B3GNT5: variants seen among roughly 807,000 people sequenced by gnomAD.
B3GNT5 encodes the protein UDP-GlcNAc:betaGal beta-1,3-N-acetylglucosaminyltransferase 5.
Under a neutral mutation model 25.9 loss-of-function variants are expected in B3GNT5, and 11 were observed. That is an observed-to-expected ratio of 0.42 (90% CI 0.27 to 0.70). The LOEUF (loss-of-function observed/expected upper bound fraction) is 0.70, where lower values mean the gene tolerates loss of function less well. B3GNT5 is among the 30% of genes least tolerant of loss of function. The pLI, the probability that B3GNT5 is intolerant of heterozygous loss-of-function variation, is 0.23. For missense variants in B3GNT5, 385 were observed against 458.4 expected (o/e 0.84, Z 1.46); for synonymous variants, 166 against 158.6 (o/e 1.05, Z -0.35).
chr3:183,259,335 T>A (rs1406333995), intron 1 of B3GNT5, among the ~76,000 whole-genome samples: 1 of 152,162 alleles, frequency 6.6e-6, no homozygotes, highest in African/African-American at 2.4e-5. Flanking sequence ...GAGTAGTGGC[T>A]GTTTGTAGCA....
At chr3:183,253,859 C>G (rs538415370) in intron 1 of B3GNT5, 3 of 152,362 alleles carry the variant, frequency 2.0e-5, no homozygotes, top group South Asian at 4.1e-4. Context: ...ACGGCTGTGC[C>G]GCGGCCGCAT....
Position 183,270,279 on chromosome 3 carries a change from T to G in B3GNT5, c.481T>G (p.Phe161Val). The change falls in exon 2 of 2, where the codon TTT becomes GTT. Residue 161 changes from phenylalanine to valine, a missense_variant. By Grantham distance (50) the Phe-to-Val change is conservative (BLOSUM62 -1). Coordinates refer to ENST00000326505, the MANE Select transcript of B3GNT5 (RefSeq NM_032047.5). This position sits in a 1 kb window ranked among gnomAD's most constrained non-coding sequence, Gnocchi z 4.5. ...GTACAATGATATAATTCAGCAAGAC[T>G]TTGTTGATTCTTTCTACAATCTTAC... ...QRYNDIIQQD[F>V]VDSFYNLTLK... is the part of the protein sequence containing the mutation. 6.2e-7 allele frequency: 1 copy of G among 1,614,176 alleles called. No individual in the cohort carries two copies. Among genetic ancestry groups the G allele is most frequent in the Non-Finnish European group, 8.5e-7 (1 of 1,180,010 alleles).
At chr3:183,258,614 T>C (rs377166127) in intron 1 of B3GNT5, among the ~76,000 whole-genome samples, 2 of 152,222 alleles carry the variant, frequency 1.3e-5, no homozygotes, top group Non-Finnish European at 2.9e-5. Flanking sequence ...TCCCTCAGTA[T>C]CCTTGGGGAA....
In B3GNT5 at chr3:183,273,242, G is replaced by T; in HGVS notation, c.*2307G>T. 2.7e-6 allele frequency: 1 copy of T among 375,704 alleles called. No homozygotes were observed. Among genetic ancestry groups the T allele is most frequent in the East Asian group, 4.0e-5 (1 of 25,020 alleles). The allele number at this position is 375,704 out of a possible 1,614,324, so 23.3% of individuals were successfully genotyped here. A position where few individuals can be genotyped will look rare whatever the true frequency, so the allele number is the denominator to read the frequency against. On this transcript the variant is annotated 3_prime_UTR_variant, in exon 2 of 2. Transcript: ENST00000326505. ...TATTGTTAAAATTTTTTTACCTTTT[G>T]GTTGGTTTGCATCTTTTTTCCATAT...
Position 183,272,984 on chromosome 3 carries a change from G to A in B3GNT5, c.*2049G>A, listed in dbSNP as rs1213407966. On this transcript the variant is annotated 3_prime_UTR_variant, in exon 2 of 2. Transcript: ENST00000326505. ...ACAAGTTTAAATTTCAAGGAAATAT[G>A]AAGGCACTTCCTTTTTTTCTAAGAA... 5 of 1,473,454 alleles carry A rather than the reference G, an allele frequency of 3.4e-6. No individual in the cohort carries two copies. In the African/African-American group the frequency reaches 7.3e-5, roughly 22 times the overall value. The allele number at this position is 1,473,454 out of a possible 1,614,324, so 91.3% of individuals were successfully genotyped here.
chr3:183,269,277 A>T (rs1726493358), intron 1 of B3GNT5, among the ~76,000 whole-genome samples: 2 of 127,816 alleles, frequency 1.6e-5, no homozygotes, highest in Non-Finnish European at 1.6e-5. Flanking sequence ...AGGTCTCTGT[A>T]CTCTGAATGG....
At chr3:183,269,062 G>A (rs1315109995) in intron 1 of B3GNT5, among the ~76,000 whole-genome samples, 2 of 151,788 alleles carry the variant, frequency 1.3e-5, no homozygotes, top group African/African-American at 4.8e-5. Context: ...CCTTGTCTGG[G>A]GCAAGCCTTA....
At chr3:183,268,150 T>C (rs1426984207) in intron 1 of B3GNT5, among the ~76,000 whole-genome samples, 2 of 152,206 alleles carry the variant, frequency 1.3e-5, no homozygotes, top group African/African-American at 4.8e-5. Context: ...GGACTGCTGG[T>C]GTAAAGACCA....
At chr3:183,258,272 ACCCTTTAAG>A (rs1725268563) in intron 1 of B3GNT5, 1 of 152,714 alleles carries the variant, frequency 6.5e-6, no homozygotes, top group African/African-American at 2.4e-5. Context: ...GGCCCACTTC[ACCCTTTAAG>A]CCAGTTGAAA....
intron 1 of B3GNT5, among the ~76,000 whole-genome samples, chr3:183,256,698 A>G (rs1402185638): frequency 2.6e-5 from 4 of 152,302 alleles, no homozygotes; most frequent in South Asian, 2.1e-4. Context: ...ATAACTTCCT[A>G]TAACTTTTTC....
At chr3:183,258,870 A>G (rs928076088) in intron 1 of B3GNT5, among the ~76,000 whole-genome samples, 4 of 152,186 alleles carry the variant, frequency 2.6e-5, no homozygotes, top group Admixed American at 1.3e-4. Flanking sequence ...GATTACAAGT[A>G]TGAGCTACCA....
chr3:183,272,763 G>GTAT lies in B3GNT5; in HGVS notation c.*1830_*1832dup. 1 of 1,089,470 alleles carries GTAT rather than the reference G, an allele frequency of 9.2e-7. No homozygotes were observed. The allele number at this position is 1,089,470 out of a possible 1,614,324, so 67.5% of individuals were successfully genotyped here. On this transcript the variant is annotated 3_prime_UTR_variant, in exon 2 of 2. Transcript: ENST00000326505. Reference sequence around the variant, plus strand: ...TTTTATTAGTTGATTGATTAATGATGTATTGCCTTTTGCCCATATATACCC... The same window carrying GTAT: ...TTTTATTAGTTGATTGATTAATGATGTATTATTGCCTTTTGCCCATATATACCC...
intron 1 of B3GNT5, among the ~76,000 whole-genome samples, chr3:183,257,316 C>T (rs1279796981): frequency 6.6e-6 from 1 of 152,154 alleles, no homozygotes; most frequent in Non-Finnish European, 1.5e-5. Context: ...TACTCTCTTT[C>T]ACCACCATCA....
intron 1 of B3GNT5, among the ~76,000 whole-genome samples, chr3:183,269,229 G>GGTTTTTTTTTTTTTTTTTTTTT (rs1305607255): frequency 1.3e-5 from 1 of 77,022 alleles, no homozygotes; most frequent in African/African-American, 1.1e-4. Flanking sequence ...CGTTTGGGAA[G>GGTTTTTTTTTTTTTTTTTTTTT]CTTTTTTTTT....
rs1726878454 is a variant in B3GNT5 at position 183,272,678 on chromosome 3, C to CAATT, written c.*1746_*1749dup. On this transcript the variant is annotated 3_prime_UTR_variant, in exon 2 of 2. Transcript: ENST00000326505. The stretch of plus-strand genomic sequence containing the variant: ...ATCATTACAGTTTAAGTTTTCTGAC[C>CAATT]AATTAAAAAAACATAGAGAACAAAA... The CAATT allele has an allele frequency of 9.9e-7, 1 of 1,005,384 alleles. No homozygotes were observed. Among genetic ancestry groups the CAATT allele is most frequent in the Non-Finnish European group, 1.2e-6 (1 of 833,492 alleles). The allele number at this position is 1,005,384 out of a possible 1,614,324, so 62.3% of individuals were successfully genotyped here.
intron 1 of B3GNT5, among the ~76,000 whole-genome samples, chr3:183,255,687 G>A (rs1174655763): frequency 4.6e-5 from 7 of 151,992 alleles, no homozygotes; most frequent in African/African-American, 1.7e-4. Context: ...AACTCAGAAG[G>A]TGCAGAAGAG....
intron 1 of B3GNT5, among the ~76,000 whole-genome samples, chr3:183,261,323 A>C (rs1210388701): frequency 6.6e-6 from 1 of 152,210 alleles, no homozygotes; most frequent in East Asian, 1.9e-4. Context: ...ACAGATGACG[A>C]GAAGAAGCCA....
chr3:183,272,031 CAATT>C lies in B3GNT5; in HGVS notation c.*1097_*1100del, dbSNP rs1360093467. The C allele has an allele frequency of 7.7e-6, 4 of 518,204 alleles. No homozygotes were observed. The highest frequency in any genetic ancestry group is 1.0e-5 in the Non-Finnish European group (4 of 389,874). 32.1% of individuals were successfully genotyped at this position (518,204 alleles called of 1,614,324 possible). ...AACATCAAAGTTATAATATCTAAAA[CAATT>C]TATTTTTCATCAATAACTGTCAGAG... On this transcript the variant is annotated 3_prime_UTR_variant, in exon 2 of 2. Coordinates refer to ENST00000326505, the MANE Select transcript of B3GNT5 (RefSeq NM_032047.5).
At position 183,270,112 on chromosome 3, in the gene B3GNT5, C is replaced by T. The variant is rs761216902; in HGVS notation, c.314C>T (p.Ser105Phe). The change falls in exon 2 of 2, where the codon TCC becomes TTC. Residue 105 changes from serine to phenylalanine, a missense_variant. Ser to Phe is a radical substitution (Grantham distance 155). Transcript: ENST00000326505. This position sits in a 1 kb window ranked among gnomAD's most constrained non-coding sequence, Gnocchi z 4.5. ...GCTCCTGAAAACTATGATCGACGTT[C>T]CGGAATTAGAAGGACGTGGGGCAAT... Reference protein sequence around the residue: ...KTAPENYDRRSGIRRTWGNEN... With the variant: ...KTAPENYDRRFGIRRTWGNEN... 1 of 1,614,000 alleles carries T rather than the reference C, an allele frequency of 6.2e-7. No individual in the cohort carries two copies. Among genetic ancestry groups the T allele is most frequent in the East Asian group, 2.2e-5 (1 of 44,886 alleles).
Sources: gnomAD v4.1 joint callset for allele counts (sites outside exome capture counted in the v4.1 genomes callset) on GRCh38, gnomAD v4.1.1 for gene constraint, Gnocchi (gnomAD v3.1) non-coding constraint, MANE v1.5 for transcripts, NCBI Gene and HGNC (gene_info 2026-07-23, HGNC 2026-07-21) for gene names.